HYDIN: variants seen among roughly 807,000 people sequenced by gnomAD.
The protein encoded by HYDIN is HYDIN axonemal central pair apparatus protein.
A neutral mutation model predicts 403.9 loss-of-function variants in HYDIN; 132 were observed. The observed-to-expected ratio is 0.33, with a 90% CI of 0.28 to 0.38. The LOEUF (loss-of-function observed/expected upper bound fraction) is 0.38, where lower values mean the gene tolerates loss of function less well. Ranked by LOEUF, HYDIN falls within the 10% of genes least tolerant of loss-of-function variation. The pLI, the probability that HYDIN is intolerant of heterozygous loss-of-function variation, is 1.00. For synonymous variants in HYDIN, 1,202 were observed against 1,891.7 expected, an observed-to-expected ratio of 0.64 and a Z score of 9.46; for missense variants, 2,827 against 5,009.5, an observed-to-expected ratio of 0.56 and a Z score of 13.15.
chr16:70,892,369 G>A lies in HYDIN; in HGVS notation c.9409C>T (p.Arg3137Cys), dbSNP rs369447981. Reference sequence around the variant, plus strand: ...CTTTGGAGCTCTCTTACCTGACAGCGCAGAACAGGCTGGTGCTCAATCTTC... The same window carrying A: ...CTTTGGAGCTCTCTTACCTGACAGCACAGAACAGGCTGGTGCTCAATCTTC... Reference protein sequence around the residue: ...EVKIEHQPVLRCQIIEPNISE... With the variant: ...EVKIEHQPVLCCQIIEPNISE... The change falls in exon 56 of 86, where the codon CGC (arginine) becomes TGC (cysteine). Residue 3137 changes from arginine (R) to cysteine (C), a missense_variant. By Grantham distance (180) the Arg-to-Cys change is radical (BLOSUM62 -3). Coordinates refer to ENST00000393567, the MANE Select transcript of HYDIN (RefSeq NM_001270974.2). 5.3e-5 allele frequency: 83 copies of A among 1,559,718 alleles called. No individual in the cohort carries two copies. The highest frequency in any genetic ancestry group is 4.6e-4 in the Admixed American group (24 of 51,892).
chr16:71,064,657 A>G (rs780232796), intron 16 of HYDIN, 48 bp downstream of exon 16: 17 of 1,532,404 alleles, frequency 1.1e-5, no homozygotes, highest in Admixed American at 7.5e-5. Flanking sequence ...TCATCAAGGG[A>G]ACTCAATGGA....
At chr16:71,200,458 T>C (rs187721212) in intron 1 of HYDIN, among the ~76,000 whole-genome samples, 10 of 152,296 alleles carry the variant, frequency 6.6e-5, no homozygotes, top group African/African-American at 2.4e-4. Flanking sequence ...GAAATTAACC[T>C]GGATCATCCA....
chr16:71,116,691 T>G (rs964871135), intron 9 of HYDIN, among the ~76,000 whole-genome samples: 9 of 152,262 alleles, frequency 5.9e-5, no homozygotes, highest in African/African-American at 2.2e-4. Flanking sequence ...AGACAACATT[T>G]TTCTAATAAG....
intron 5 of HYDIN, 113 bp from the exon 6 acceptor site, chr16:71,162,843 T>C (rs1210963609): frequency 1.7e-6 from 1 of 594,246 alleles, no homozygotes; most frequent in Non-Finnish European, 3.0e-6. Flanking sequence ...AGTATAGTTC[T>C]ATGAAAACAT....
intron 13 of HYDIN, among the ~76,000 whole-genome samples, chr16:71,070,003 C>A (rs2082410219): frequency 1.3e-5 from 2 of 152,170 alleles, no homozygotes. Flanking sequence ...TAGAGTGTGT[C>A]CTAGACCTGT....
At chr16:71,187,707 C>T (rs1049570888) in intron 1 of HYDIN, among the ~76,000 whole-genome samples, 1 of 151,804 alleles carries the variant, frequency 6.6e-6, no homozygotes, top group Non-Finnish European at 1.5e-5. Context: ...AAGTACCAGA[C>T]CAAGACATAG....
intron 23 of HYDIN, among the ~76,000 whole-genome samples, chr16:71,004,695 C>A (rs1295493831): frequency 6.6e-6 from 1 of 151,880 alleles, no homozygotes; most frequent in Admixed American, 6.6e-5. Context: ...ATGTCTGTGA[C>A]CTGGTTTAAT....
chr16:71,074,707 CAAAA>C (rs59315287), intron 13 of HYDIN, among the ~76,000 whole-genome samples: 1 of 86,242 alleles, frequency 1.2e-5, no homozygotes, highest in Admixed American at 1.3e-4. Flanking sequence ...CAAAAAACAC[CAAAA>C]AAAAAAAAAA....
intron 60 of HYDIN, among the ~76,000 whole-genome samples, chr16:70,880,156 C>G (rs1394377119): frequency 2.8e-5 from 3 of 106,166 alleles, no homozygotes; most frequent in Non-Finnish European, 5.4e-5. Flanking sequence ...CCTCCTGGAC[C>G]CAGGCAATCC....
At chr16:71,218,167 G>A (rs2088989490) in intron 1 of HYDIN, among the ~76,000 whole-genome samples, 2 of 152,206 alleles carry the variant, frequency 1.3e-5, no homozygotes, top group South Asian at 4.1e-4. Flanking sequence ...TTAGCAAGCT[G>A]TATTAGATTC....
At chr16:71,089,798 T>A (rs544616451) in intron 11 of HYDIN, among the ~76,000 whole-genome samples, 49 of 151,390 alleles carry the variant, frequency 3.2e-4, no homozygotes, top group African/African-American at 1.2e-3. Context: ...AAGGTGAGAA[T>A]GGGAGTGGCA....
At chr16:71,120,074 G>A (rs1476721403) in intron 9 of HYDIN, among the ~76,000 whole-genome samples, 4 of 151,708 alleles carry the variant, frequency 2.6e-5, no homozygotes, top group African/African-American at 4.8e-5. Context: ...ACACGGATCC[G>A]CGTCCCCCAT....
At chr16:71,055,967 C>T (rs1380865217) in intron 18 of HYDIN, among the ~76,000 whole-genome samples, 1 of 152,106 alleles carries the variant, frequency 6.6e-6, no homozygotes, top group Non-Finnish European at 1.5e-5. Context: ...GTGCTGAGGT[C>T]CCCAGGGCCC....
chr16:71,223,689 T>G (rs1176380319), intron 1 of HYDIN, among the ~76,000 whole-genome samples: 1 of 151,094 alleles, frequency 6.6e-6, no homozygotes, highest in Non-Finnish European at 1.5e-5. Flanking sequence ...GAGACATTTC[T>G]CAAAAGAAAA....
At chr16:70,942,142 A>G (rs545584181) in intron 42 of HYDIN, among the ~76,000 whole-genome samples, 1 of 147,788 alleles carries the variant, frequency 6.8e-6, no homozygotes, top group African/African-American at 2.5e-5. Context: ...CTCCTGCCTC[A>G]GCCTCCCAAG....
rs1350461476 is a variant in HYDIN at position 70,804,819 on chromosome 16, C to A, written c.*2761G>T. Among the ~76,000 whole-genome samples the A allele has an allele frequency of 6.6e-6, 1 of 152,170 alleles. No individual in the cohort carries two copies. Among genetic ancestry groups the A allele is most frequent in the Non-Finnish European group, 1.5e-5 (1 of 68,032 alleles). On this transcript the variant is annotated 3_prime_UTR_variant, in exon 86 of 86. Coordinates refer to ENST00000393567, the MANE Select transcript of HYDIN (RefSeq NM_001270974.2). ...GGTTCGTTTTTGTTTCTCCCCCTCCCTTCTCCCTGATCACTTTTATAAAAT... is the reference window on the plus strand; with the variant it reads ...GGTTCGTTTTTGTTTCTCCCCCTCCATTCTCCCTGATCACTTTTATAAAAT...
At chr16:70,862,345 T>G (rs1390587909) in intron 68 of HYDIN, 90 bp from the exon 69 acceptor site, 1 of 697,884 alleles carries the variant, frequency 1.4e-6, no homozygotes, top group Non-Finnish European at 2.4e-6. Context: ...AGGGGCCCTC[T>G]GCGGATATGG....
At chr16:71,056,134 T>G (rs1248710519) in intron 18 of HYDIN, among the ~76,000 whole-genome samples, 1 of 149,940 alleles carries the variant, frequency 6.7e-6, no homozygotes, top group Non-Finnish European at 1.5e-5. Context: ...TTTGTTTTTT[T>G]TTTTTTTTTT....
Position 70,920,878 on chromosome 16 carries a change from C to T in HYDIN, c.7498G>A (p.Val2500Ile). 6.2e-7 allele frequency: 1 copy of T among 1,608,788 alleles called. No homozygotes were observed. Among genetic ancestry groups the T allele is most frequent in the Non-Finnish European group, 8.5e-7 (1 of 1,177,208 alleles). Residue 2500 changes from valine to isoleucine, a missense_variant, in exon 46 of 86, where the codon GTC becomes ATC. Coordinates refer to ENST00000393567, the MANE Select transcript of HYDIN (RefSeq NM_001270974.2). ...APHEPDDQRQ[V>I]PLGGRRGRKD... ...CGGCCCCTGCGCCCACCCAAGGGGA[C>T]CTGGCGCTGGTCGTCGGGCTCATGG... is the stretch of plus-strand genomic sequence containing the variant.
Sources: gnomAD v4.1 joint callset for allele counts (sites outside exome capture counted in the v4.1 genomes callset) on GRCh38, gnomAD v4.1.1 for gene constraint, MANE v1.5 for transcripts, NCBI Gene and HGNC (gene_info 2026-07-23, HGNC 2026-07-21) for gene names.